DPP10: variants seen among roughly 807,000 people sequenced by gnomAD.
The protein encoded by DPP10 is dipeptidyl peptidase like 10, also known as inactive dipeptidyl peptidase 10.
DPP10 carries 33 observed loss-of-function variants against 120.9 expected under a neutral mutation model. The ratio of observed to expected loss-of-function variants is 0.27; its 90% CI spans 0.21 to 0.37. The LOEUF (loss-of-function observed/expected upper bound fraction) is 0.37. Ranked by LOEUF, DPP10 falls within the 10% of genes least tolerant of loss-of-function variation. DPP10 has a pLI of 1.00. For synonymous variants in DPP10, 337 were observed against 326.1 expected (o/e 1.03, Z -0.36); for missense variants, 816 against 942.8 (o/e 0.87, Z 1.76).
intron 1 of DPP10, among the ~76,000 whole-genome samples, chr2:114,964,010 G>A (rs769961678): frequency 6.6e-6 from 1 of 152,118 alleles, no homozygotes; most frequent in Non-Finnish European, 1.5e-5. Context: ...GAAGTAAGTA[G>A]GAGACAGGAC....
chr2:114,749,496 A>C (rs17043475), intron 1 of DPP10, among the ~76,000 whole-genome samples: 2 of 151,924 alleles, frequency 1.3e-5, no homozygotes, highest in Admixed American at 6.6e-5. Flanking sequence ...AATGGTTAAA[A>C]ATTATTAGAT....
intron 1 of DPP10, among the ~76,000 whole-genome samples, chr2:115,096,987 T>C (rs1045236532): frequency 2.0e-5 from 3 of 152,122 alleles, no homozygotes; most frequent in African/African-American, 7.2e-5. Flanking sequence ...CTCTTAAAAA[T>C]AGTAATAAAA....
rs147934282 is a variant in DPP10 at position 114,962,317 on chromosome 2, G to A, written c.61-346922G>A. On this transcript the variant is annotated intron_variant, in intron 1 of 25. Transcript: ENST00000410059. ...ATATAATTTCCTCAGAAAATGTGAC[G>A]GTAAAAGAAACTAGGATCCAACATA... Among the ~76,000 whole-genome samples, 11 of 152,130 alleles carry A rather than the reference G, an allele frequency of 7.2e-5. 1 individual carries two copies. In the East Asian group the frequency reaches 1.4e-3, roughly 19 times the overall value.
In DPP10 at chr2:114,728,633, ATAAG is replaced by A. The variant is rs145865323; in HGVS notation, c.60+285800_60+285803del. 4.6e-4 allele frequency among the ~76,000 whole-genome samples: 70 copies of A among 152,254 alleles called. 1 individual carries two copies. The highest frequency in any genetic ancestry group is 1.5e-3 in the African/African-American group (62 of 41,534). On this transcript the variant is annotated intron_variant, in intron 1 of 25. Coordinates refer to ENST00000410059, the MANE Select transcript of DPP10 (RefSeq NM_020868.6). ...ACTGCATTTGGAGAGGGTTCACTAG[ATAAG>A]TAAGATTTTCAACCAGCCTTTGACC... is the stretch of plus-strand genomic sequence containing the variant.
intron 1 of DPP10, among the ~76,000 whole-genome samples, chr2:115,053,253 G>A (rs1163518140): frequency 6.6e-6 from 1 of 152,126 alleles, no homozygotes; most frequent in Non-Finnish European, 1.5e-5. Context: ...ACAATATGTG[G>A]TATGTTCATG....
chr2:115,697,842 G>C (rs890505154), intron 7 of DPP10, among the ~76,000 whole-genome samples: 1 of 152,016 alleles, frequency 6.6e-6, no homozygotes, highest in Non-Finnish European at 1.5e-5. Context: ...AAAATTAGCC[G>C]GGCGTGGTGG....
chr2:114,647,354 A>C (rs1396231542), intron 1 of DPP10, among the ~76,000 whole-genome samples: 1 of 152,146 alleles, frequency 6.6e-6, no homozygotes, highest in Non-Finnish European at 1.5e-5. Context: ...TGTAATAAGC[A>C]CATCTTTATA....
At chr2:114,666,984 A>G (rs1697971878) in intron 1 of DPP10, among the ~76,000 whole-genome samples, 1 of 152,196 alleles carries the variant, frequency 6.6e-6, no homozygotes, top group Non-Finnish European at 1.5e-5. Flanking sequence ...AAAGGGACAG[A>G]TAGTAATTTG....
chr2:115,311,289 A>G (rs1013713111), intron 2 of DPP10, among the ~76,000 whole-genome samples: 1 of 152,164 alleles, frequency 6.6e-6, no homozygotes, highest in Non-Finnish European at 1.5e-5. Context: ...TGGAGGTAAA[A>G]TGAGATAATG....
intron 1 of DPP10, among the ~76,000 whole-genome samples, chr2:114,841,178 C>T (rs1186382538): frequency 6.6e-6 from 1 of 152,084 alleles, no homozygotes; most frequent in Non-Finnish European, 1.5e-5. Context: ...AGGGAAAAAG[C>T]AATCTTTTCA....
intron 1 of DPP10, among the ~76,000 whole-genome samples, chr2:115,054,239 C>A (rs776475226): frequency 6.6e-6 from 1 of 152,060 alleles, no homozygotes; most frequent in Non-Finnish European, 1.5e-5. Flanking sequence ...TGCTTTGTGG[C>A]TCCTTAGAGT....
intron 2 of DPP10, among the ~76,000 whole-genome samples, chr2:115,337,163 C>G (rs1428556571): frequency 6.6e-6 from 1 of 150,702 alleles, no homozygotes; most frequent in Non-Finnish European, 1.5e-5. Context: ...AAAAAAATTC[C>G]TACATTTTAG....
intron 3 of DPP10, among the ~76,000 whole-genome samples, chr2:115,475,481 C>T (rs1165632068): frequency 6.6e-6 from 1 of 152,198 alleles, no homozygotes; most frequent in Non-Finnish European, 1.5e-5. Context: ...GGGCAGAGCC[C>T]TCATGGAGAA....
At position 114,474,150 on chromosome 2, in the gene DPP10, T is replaced by A. The variant is rs1000778266; in HGVS notation, c.60+31312T>A. On this transcript the variant is annotated intron_variant, in intron 1 of 25. Coordinates refer to ENST00000410059, the MANE Select transcript of DPP10 (RefSeq NM_020868.6). ...TATTTTATATCTTCAGTAGAGATAG[T>A]TTGCACCATGTTAGACAGTCTGGTC... Among the ~76,000 whole-genome samples, 3 of 152,196 alleles carry A rather than the reference T, an allele frequency of 2.0e-5. 1 individual carries two copies. Among genetic ancestry groups the A allele is most frequent in the Admixed American group, 6.5e-5 (1 of 15,296 alleles).
chr2:114,922,575 G>A (rs1395460579), intron 1 of DPP10, among the ~76,000 whole-genome samples: 7 of 152,206 alleles, frequency 4.6e-5, no homozygotes, highest in Non-Finnish European at 1.0e-4. Flanking sequence ...GTCTCCCAAA[G>A]TGTTGGGATT....
At chr2:115,672,718 T>TTCTCTTACTTTCTCTTTCTC (rs2089998718) in intron 5 of DPP10, among the ~76,000 whole-genome samples, 1 of 115,872 alleles carries the variant, frequency 8.6e-6, no homozygotes, top group Admixed American at 9.2e-5. Context: ...TTCTCTTTCT[T>TTCTCTTACTTTCTCTTTCTC]TCTCTTTCTC....
At chr2:115,570,980 C>T (rs1477169962) in intron 5 of DPP10, among the ~76,000 whole-genome samples, 1 of 152,108 alleles carries the variant, frequency 6.6e-6, no homozygotes, top group Non-Finnish European at 1.5e-5. Flanking sequence ...AGTCGGTGGG[C>T]ATTAACCACA....
chr2:115,033,697 C>CTTT (rs10693499), intron 1 of DPP10, among the ~76,000 whole-genome samples: 2,044 of 137,942 alleles, frequency 0.015, 27 homozygotes, highest in African/African-American at 0.032. Flanking sequence ...ATCTTCCCTC[C>CTTT]TTTTTTTTTT....
rs1558791442 is a variant in DPP10 at position 114,834,764 on chromosome 2, GCACCTATGTATATATAAGCCATGTCTACA to G, written c.60+391999_60+392027del. Among the ~76,000 whole-genome samples, 193 of 33,120 alleles carry G rather than the reference GCACCTATGTATATATAAGCCATGTCTACA, an allele frequency of 5.8e-3. 4 individuals are homozygous for G. The highest frequency in any genetic ancestry group is 7.3e-3 in the African/African-American group (126 of 17,372). 21.7% of individuals were successfully genotyped at this position (33,120 alleles called of 152,430 possible). ...CTATGTATATATAAGCCATGTCTAC[GCACCTATGTATATATAAGCCATGTCTACA>G]CACCTATGTATATATAAGCCATGTC... On this transcript the variant is annotated intron_variant, in intron 1 of 25. Coordinates refer to ENST00000410059, the MANE Select transcript of DPP10 (RefSeq NM_020868.6).
Sources: allele counts gnomAD v4.1 joint callset (sites outside exome capture counted in the v4.1 genomes callset), GRCh38; gene constraint gnomAD v4.1.1; transcripts MANE v1.5; gene names NCBI Gene and HGNC (gene_info 2026-07-23, HGNC 2026-07-21).